The following PKNOX2 variants were observed in gnomAD, a reference collection of about 807,000 sequenced individuals.
PKNOX2 encodes the protein PBX/knotted 1 homeobox 2.
In PKNOX2, 14 loss-of-function variants were observed where a neutral mutation model predicts 53.1. The observed-to-expected ratio is 0.26, with a 90% CI of 0.17 to 0.41. The LOEUF is 0.41. PKNOX2 is among the 10% of genes least tolerant of loss of function. PKNOX2 has a pLI of 1.00. For missense variants in PKNOX2, 496 were observed against 602.8 expected (o/e 0.82, Z 1.85); for synonymous variants, 257 against 242.8 (o/e 1.06, Z -0.54).
At chr11:125,361,558 C>A (rs1951927017) in intron 4 of PKNOX2, among the ~76,000 whole-genome samples, 1 of 152,042 alleles carries the variant, frequency 6.6e-6, no homozygotes, top group African/African-American at 2.4e-5. Flanking sequence ...ATTTTTTTGA[C>A]TTTATTTATT....
In PKNOX2 at chr11:125,397,868, C is replaced by T; in HGVS notation, c.400-6C>T. Reference sequence around the variant, plus strand: ...ACCTGGGCTCACCTCTCCTCCCTCTCCACAGATGGTGAAGGCAATCCAGGT... The same window carrying T: ...ACCTGGGCTCACCTCTCCTCCCTCTTCACAGATGGTGAAGGCAATCCAGGT... On this transcript the variant is annotated splice_region_variant and splice_polypyrimidine_tract_variant and intron_variant, in intron 6 of 12. Transcript: ENST00000298282. The T allele has an allele frequency of 6.2e-7, 1 of 1,605,812 alleles. No homozygotes were observed. The highest frequency in any genetic ancestry group is 8.5e-7 in the Non-Finnish European group (1 of 1,176,084).
intron 2 of PKNOX2, among the ~76,000 whole-genome samples, chr11:125,325,248 C>A (rs1949762985): frequency 2.0e-5 from 3 of 152,182 alleles, no homozygotes; most frequent in Non-Finnish European, 2.9e-5. Flanking sequence ...TCCGTTCTTT[C>A]CCTCATTTAA....
At chr11:125,398,776 G>C (rs996917744) in intron 7 of PKNOX2, among the ~76,000 whole-genome samples, 1 of 152,020 alleles carries the variant, frequency 6.6e-6, no homozygotes, top group Admixed American at 6.6e-5. Context: ...ATACCTTCCC[G>C]CCCAACTCAC....
chr11:125,311,098 A>G (rs1222435695), intron 2 of PKNOX2, among the ~76,000 whole-genome samples: 1 of 152,172 alleles, frequency 6.6e-6, no homozygotes, highest in Non-Finnish European at 1.5e-5. Context: ...GCACACTTCT[A>G]ACAGGCCCAG....
At chr11:125,174,687 G>T (rs559172899) in intron 1 of PKNOX2, among the ~76,000 whole-genome samples, 1 of 152,268 alleles carries the variant, frequency 6.6e-6, no homozygotes, top group African/African-American at 2.4e-5. Context: ...GTCTGCAGGG[G>T]CCGGGAGAGT....
intron 7 of PKNOX2, among the ~76,000 whole-genome samples, chr11:125,408,937 A>G (rs1280993051): frequency 1.3e-5 from 2 of 152,124 alleles, no homozygotes; most frequent in Non-Finnish European, 2.9e-5. Context: ...CATTTTGTCT[A>G]TTTCCTTGAC....
intron 6 of PKNOX2, among the ~76,000 whole-genome samples, chr11:125,392,028 C>A (rs1435992360): frequency 6.6e-6 from 1 of 152,044 alleles, no homozygotes; most frequent in African/African-American, 2.4e-5. Context: ...TTACTAAACA[C>A]AAATATGGGA....
At chr11:125,217,552 A>G (rs1372198518) in intron 1 of PKNOX2, among the ~76,000 whole-genome samples, 1 of 152,178 alleles carries the variant, frequency 6.6e-6, no homozygotes, top group African/African-American at 2.4e-5. Context: ...GGTAGAAGCC[A>G]CCTAGCGCAG....
chr11:125,281,069 G>C (rs1418328522), intron 2 of PKNOX2, among the ~76,000 whole-genome samples: 1 of 152,194 alleles, frequency 6.6e-6, no homozygotes, highest in African/African-American at 2.4e-5. Context: ...AGACAATCCA[G>C]AATTTGCTGG....
At chr11:125,250,415 G>T (rs1402014457) in intron 2 of PKNOX2, among the ~76,000 whole-genome samples, 1 of 152,174 alleles carries the variant, frequency 6.6e-6, no homozygotes, top group African/African-American at 2.4e-5. Flanking sequence ...CTTCACTGGG[G>T]TTGTTTGGAA....
At chr11:125,232,319 A>G (rs542601198) in intron 1 of PKNOX2, among the ~76,000 whole-genome samples, 1 of 152,346 alleles carries the variant, frequency 6.6e-6, no homozygotes, top group African/African-American at 2.4e-5. Context: ...AATAATACTG[A>G]AAACAGCCAC....
Position 125,166,089 on chromosome 11 carries a change from C to A in PKNOX2, c.-201+1313C>A, listed in dbSNP as rs1340514551. On this transcript the variant is annotated intron_variant, in intron 1 of 12. Coordinates refer to ENST00000298282, the MANE Select transcript of PKNOX2 (RefSeq NM_001382323.2). This position sits in a 1 kb window ranked among gnomAD's most constrained non-coding sequence, Gnocchi z 4.0. ...CAGTCTAGAGTTCGGTTTATAGGATCCAGACTGTTTACGGAATCGGGATCG... is the reference window on the plus strand; with the variant it reads ...CAGTCTAGAGTTCGGTTTATAGGATACAGACTGTTTACGGAATCGGGATCG... Among the ~76,000 whole-genome samples the A allele has an allele frequency of 7.2e-5, 11 of 152,002 alleles. No individual in the cohort carries two copies. Among genetic ancestry groups the A allele is most frequent in the Non-Finnish European group, 1.6e-4 (11 of 68,012 alleles).
intron 2 of PKNOX2, among the ~76,000 whole-genome samples, chr11:125,331,112 C>T (rs1034982218): frequency 6.6e-6 from 1 of 152,122 alleles, no homozygotes; most frequent in African/African-American, 2.4e-5. Flanking sequence ...GAGGAGTGTC[C>T]GGCCAGACCT....
At chr11:125,396,458 C>A (rs1427949645) in intron 6 of PKNOX2, among the ~76,000 whole-genome samples, 1 of 151,768 alleles carries the variant, frequency 6.6e-6, no homozygotes, top group Non-Finnish European at 1.5e-5. Context: ...ATTCTAGCAC[C>A]ATTTGAACAA....
intron 2 of PKNOX2, among the ~76,000 whole-genome samples, chr11:125,286,878 T>C (rs1050830263): frequency 1.3e-5 from 2 of 152,204 alleles, no homozygotes; most frequent in African/African-American, 4.8e-5. Flanking sequence ...GAACAGCGTA[T>C]GTTGTGAGTG....
intron 9 of PKNOX2, 183 bp downstream of exon 9, chr11:125,411,059 G>A (rs533165482): frequency 2.9e-5 from 17 of 577,484 alleles, no homozygotes; most frequent in African/African-American, 1.3e-4. Context: ...CAACTCCTGG[G>A]ATTTTGCTGC....
At chr11:125,248,876 TATATATATAACATATATAATATATATAAC>T (rs1378375224) in intron 2 of PKNOX2, among the ~76,000 whole-genome samples, 122 of 134,734 alleles carry the variant, frequency 9.1e-4, no homozygotes, top group African/African-American at 3.2e-3. Flanking sequence ...ATATATAACG[TATATATATAACATATATAATATATATAAC>T]GTATATATAT....
At chr11:125,272,196 G>A (rs1377412663) in intron 2 of PKNOX2, among the ~76,000 whole-genome samples, 1 of 152,192 alleles carries the variant, frequency 6.6e-6, no homozygotes, top group Non-Finnish European at 1.5e-5. Flanking sequence ...GGCTGTGAAG[G>A]GTCGTGGGGG....
At chr11:125,307,307 G>T (rs552062210) in intron 2 of PKNOX2, among the ~76,000 whole-genome samples, 1 of 152,096 alleles carries the variant, frequency 6.6e-6, no homozygotes, top group African/African-American at 2.4e-5. Flanking sequence ...GCCTGGGTGC[G>T]GTGGCTCACA....
Sources: gnomAD v4.1 joint callset for allele counts (sites outside exome capture counted in the v4.1 genomes callset) on GRCh38, gnomAD v4.1.1 for gene constraint, Gnocchi (gnomAD v3.1) non-coding constraint, MANE v1.5 for transcripts, NCBI Gene and HGNC (gene_info 2026-07-23, HGNC 2026-07-21) for gene names.